Variants in ATP1B4 observed in about 807,000 individuals in gnomAD.
ATP1B4 encodes protein ATP1B4.
In ATP1B4, 32 loss-of-function variants were observed where a neutral mutation model predicts 29.6. The observed-to-expected ratio is 1.08, with a 90% CI of 0.82 to 1.45. ATP1B4 has a LOEUF of 1.45. Ranked by LOEUF, ATP1B4 falls within the 40% of genes most tolerant of loss-of-function variation. The pLI, the probability that ATP1B4 is intolerant of heterozygous loss-of-function variation, is 0.00. For missense variants in ATP1B4, 323 were observed against 276.2 expected (o/e 1.17, Z -1.20); for synonymous variants, 127 against 102.1 (o/e 1.24, Z -1.47).
At chrX:120,363,065 T>C (rs950259864) in intron 1 of ATP1B4, among the ~76,000 whole-genome samples, 1 of 112,670 alleles carries the variant, frequency 8.9e-6, no homozygotes, top group African/African-American at 3.2e-5. Flanking sequence ...CATTAATGTA[T>C]GCCACACGCA....
intron 4 of ATP1B4, among the ~76,000 whole-genome samples, chrX:120,374,736 T>A (rs1295137660): frequency 1.5e-5 from 1 of 64,913 alleles, no homozygotes; most frequent in Non-Finnish European, 2.7e-5. Flanking sequence ...TATATTATAT[T>A]ATATATAAGG....
At chrX:120,363,218 C>T (rs1401447078) in intron 1 of ATP1B4, among the ~76,000 whole-genome samples, 1 of 111,577 alleles carries the variant, frequency 9.0e-6, no homozygotes, top group Admixed American at 9.6e-5. Context: ...GTCAACAGCC[C>T]GCAGAAGAAA....
intron 2 of ATP1B4, among the ~76,000 whole-genome samples, 161 bp downstream of exon 2, chrX:120,366,950 A>T (rs997449548): frequency 8.0e-5 from 9 of 112,766 alleles, no homozygotes; most frequent in Admixed American, 7.5e-4. Flanking sequence ...CTGTGGACAG[A>T]TTCCATCAGA....
At chrX:120,377,203 C>A (rs2058360572) in intron 6 of ATP1B4, among the ~76,000 whole-genome samples, 1 of 112,117 alleles carries the variant, frequency 8.9e-6, no homozygotes, top group Non-Finnish European at 1.9e-5. Flanking sequence ...CAGCAAAAGG[C>A]AGCAGTTATT....
intron 4 of ATP1B4, 111 bp from the exon 5 acceptor site, chrX:120,375,261 G>A: frequency 1.5e-6 from 1 of 661,526 alleles, no homozygotes; most frequent in Non-Finnish European, 2.3e-6. Flanking sequence ...GCTTTCAGAG[G>A]AGTACAAACA....
chrX:120,369,015 T>C (rs140027093), intron 2 of ATP1B4, among the ~76,000 whole-genome samples: 1,664 of 111,811 alleles, frequency 0.015, 33 homozygotes, highest in African/African-American at 0.052. Context: ...TAAGGGGACT[T>C]ACTGCTAGTG....
At chrX:120,362,552 T>C (rs1432947272) in intron 1 of ATP1B4, among the ~76,000 whole-genome samples, 5 of 111,749 alleles carry the variant, frequency 4.5e-5, no homozygotes, top group Non-Finnish European at 9.4e-5. Flanking sequence ...AGTATAAAAG[T>C]TTAATTCTAA....
At chrX:120,372,349 TAGG>T (rs1307163041) in intron 4 of ATP1B4, among the ~76,000 whole-genome samples, 4 of 111,936 alleles carry the variant, frequency 3.6e-5, no homozygotes, top group Non-Finnish European at 5.6e-5. Flanking sequence ...TGCACTGAAT[TAGG>T]AGGAGAACAA....
At chrX:120,371,031 G>A in intron 3 of ATP1B4, 75 bp from the exon 4 acceptor site, 1 of 1,051,148 alleles carries the variant, frequency 9.5e-7, no homozygotes, top group Non-Finnish European at 1.3e-6. Flanking sequence ...GGGGGGAAAT[G>A]GTTTCATGGG....
At position 120,371,095 on chromosome X, in the gene ATP1B4, T is replaced by G; in HGVS notation, c.458-11T>G. On this transcript the variant is annotated splice_polypyrimidine_tract_variant and intron_variant, in intron 3 of 7. Transcript: ENST00000218008. ...TGGGTTAATATATCCAAGACCTGTT[T>G]TCATTGCCAGGAGTTATGATCAGAC... 8.3e-7 allele frequency: 1 copy of G among 1,201,092 alleles called. No homozygotes were observed. The highest frequency in any genetic ancestry group is 1.1e-6 in the Non-Finnish European group (1 of 885,695).
chrX:120,370,476 T>C (rs1220847848), intron 2 of ATP1B4, among the ~76,000 whole-genome samples: 1 of 112,116 alleles, frequency 8.9e-6, no homozygotes, highest in African/African-American at 3.2e-5. Context: ...TTCATGGCCA[T>C]CATTTGCTGA....
rs764760306 is a variant in ATP1B4 at position 120,362,184 on chromosome X, C to T, written c.16C>T (p.Arg6Trp). MRRQL[R>W]SRRAPSFPYS... Reference sequence around the variant, plus strand: ...CTGAACAGCCATGAGAAGGCAACTCCGGTCCAGAAGGGCTCCATCCTTTCC... The same window carrying T: ...CTGAACAGCCATGAGAAGGCAACTCTGGTCCAGAAGGGCTCCATCCTTTCC... The change falls in exon 1 of 8, where the codon CGG becomes TGG. Residue 6 changes from arginine to tryptophan, a missense_variant. Arg to Trp is a moderately radical substitution (Grantham distance 101). Coordinates refer to ENST00000218008, the MANE Select transcript of ATP1B4 (RefSeq NM_001142447.3). 3.7e-5 allele frequency: 45 copies of T among 1,209,241 alleles called. No homozygotes were observed. Among genetic ancestry groups the T allele is most frequent in the South Asian group, 5.3e-5 (3 of 56,790 alleles).
rs1323386879 is a variant in ATP1B4 at position 120,381,747 on chromosome X, G to A, written c.*2113G>A. 1 of 112,382 alleles carries A rather than the reference G, an allele frequency of 8.9e-6. No homozygotes were observed. The highest frequency in any genetic ancestry group is 1.9e-5 in the Non-Finnish European group (1 of 53,390). 9.3% of individuals were successfully genotyped at this position (112,382 alleles called of 1,213,427 possible). ...ATTACAGGCGTGAGCCACCGCACCC[G>A]GCTTGCAATTTAGAAAGGGCACTTG... On this transcript the variant is annotated 3_prime_UTR_variant, in exon 8 of 8. Transcript: ENST00000218008.
At chrX:120,378,645 C>T (rs777434699) in intron 6 of ATP1B4, 33 bp from the exon 7 acceptor site, 2 of 1,136,522 alleles carry the variant, frequency 1.8e-6, no homozygotes, top group African/African-American at 3.6e-5. Context: ...CTCTGTGACC[C>T]AGCACCCCAC....
chrX:120,374,450 A>G (rs1021221309), intron 4 of ATP1B4, among the ~76,000 whole-genome samples: 31 of 99,398 alleles, frequency 3.1e-4, no homozygotes, highest in Non-Finnish European at 5.6e-4. Context: ...TACCATATAT[A>G]TACCCTTATA....
intron 1 of ATP1B4, among the ~76,000 whole-genome samples, chrX:120,364,632 T>C (rs946100984): frequency 4.4e-5 from 5 of 112,722 alleles, no homozygotes; most frequent in Non-Finnish European, 7.5e-5. Flanking sequence ...CCATTCATCA[T>C]TGAGTGATGA....
chrX:120,363,261 A>C (rs1487872563), intron 1 of ATP1B4, among the ~76,000 whole-genome samples: 1 of 112,241 alleles, frequency 8.9e-6, no homozygotes, highest in Non-Finnish European at 1.9e-5. Context: ...ATCAATCTAC[A>C]GAGGGCTTCT....
chrX:120,362,433 G>A (rs2058266568), intron 1 of ATP1B4, among the ~76,000 whole-genome samples: 1 of 111,432 alleles, frequency 9.0e-6, no homozygotes, highest in Admixed American at 9.5e-5. Context: ...GATAAAAGGA[G>A]GAAGCCCCTC....
intron 1 of ATP1B4, among the ~76,000 whole-genome samples, chrX:120,365,288 C>A (rs2058280446): frequency 8.9e-6 from 1 of 112,080 alleles, no homozygotes; most frequent in Non-Finnish European, 1.9e-5. Context: ...AATTAGAGAG[C>A]AATTCAAGAG....
Sources: allele counts gnomAD v4.1 joint callset (sites outside exome capture counted in the v4.1 genomes callset), GRCh38; gene constraint gnomAD v4.1.1; transcripts MANE v1.5; gene names NCBI Gene and HGNC (gene_info 2026-07-23, HGNC 2026-07-21).